Variants in SOX6 observed in about 807,000 individuals in gnomAD.
SOX6 encodes transcription factor SOX-6.
Under a neutral mutation model 97.8 loss-of-function variants are expected in SOX6, and 11 were observed. The ratio of observed to expected loss-of-function variants is 0.11; its 90% CI spans 0.07 to 0.19. The LOEUF (loss-of-function observed/expected upper bound fraction) is 0.19. Among genes scored for constraint, SOX6 ranks in the 10% least tolerant of loss-of-function variants. The pLI, the probability that SOX6 is intolerant of heterozygous loss-of-function variation, is 1.00. For missense variants in SOX6, 810 were observed against 1,039.5 expected, an observed-to-expected ratio of 0.78 and a Z score of 3.04; for synonymous variants, 360 against 371.4, an observed-to-expected ratio of 0.97 and a Z score of 0.35.
At chr11:16,058,658 T>C (rs1028370561) in intron 9 of SOX6, among the ~76,000 whole-genome samples, 4 of 152,042 alleles carry the variant, frequency 2.6e-5, no homozygotes, top group African/African-American at 7.2e-5. Flanking sequence ...TATAGACTTG[T>C]ATGCCATCAT....
At chr11:16,728,785 G>A (rs548339013) in intron 2 of SOX6, among the ~76,000 whole-genome samples, 1 of 152,216 alleles carries the variant, frequency 6.6e-6, no homozygotes, top group South Asian at 2.1e-4. Flanking sequence ...AAACTCCTCC[G>A]AGCTAAAGGA....
At chr11:16,709,124 C>T (rs539684372) in intron 3 of SOX6, among the ~76,000 whole-genome samples, 1 of 152,218 alleles carries the variant, frequency 6.6e-6, no homozygotes, top group East Asian at 1.9e-4. Flanking sequence ...GACAGAGGGG[C>T]CTGGTGGGAG....
At chr11:16,116,558 G>T (rs541846052) in intron 6 of SOX6, among the ~76,000 whole-genome samples, 1 of 152,170 alleles carries the variant, frequency 6.6e-6, no homozygotes, top group African/African-American at 2.4e-5. Context: ...AAAGAATACA[G>T]AGAGATCACA....
intron 4 of SOX6, among the ~76,000 whole-genome samples, chr11:16,518,504 A>T (rs1017786311): frequency 6.6e-6 from 1 of 152,200 alleles, no homozygotes; most frequent in African/African-American, 2.4e-5. Context: ...ACTAGGCTAT[A>T]AGCTCATTGA....
At chr11:16,627,069 T>A (rs557472426) in intron 3 of SOX6, among the ~76,000 whole-genome samples, 1 of 152,292 alleles carries the variant, frequency 6.6e-6, no homozygotes, top group South Asian at 2.1e-4. Context: ...TGAGAACAGG[T>A]GGTATTTGGT....
chr11:16,134,918 T>C (rs1849922867), intron 6 of SOX6, among the ~76,000 whole-genome samples: 1 of 152,226 alleles, frequency 6.6e-6, no homozygotes. Flanking sequence ...AAGAAGTCAA[T>C]GCCTGGCTTC....
intron 4 of SOX6, among the ~76,000 whole-genome samples, chr11:16,523,449 A>C (rs1274106351): frequency 6.6e-6 from 1 of 152,214 alleles, no homozygotes; most frequent in Non-Finnish European, 1.5e-5. Context: ...ACAAAGACAC[A>C]ACATACCAGA....
intron 4 of SOX6, among the ~76,000 whole-genome samples, chr11:16,586,639 G>C (rs1056784504): frequency 5.3e-5 from 8 of 152,116 alleles, no homozygotes; most frequent in African/African-American, 1.7e-4. Context: ...AGAATCCTTT[G>C]AGCCCAAGAG....
rs1853210688 is a variant in SOX6, at chr11:15,968,702, CTAATGTTCAGGGGAGGCCAGAA to C, written c.*4085_*4106del. 2 of 152,204 alleles carry C rather than the reference CTAATGTTCAGGGGAGGCCAGAA, an allele frequency of 1.3e-5. No individual in the cohort carries two copies. Among genetic ancestry groups the C allele is most frequent in the African/African-American group, 2.4e-5 (1 of 41,434 alleles). The allele number at this position is 152,204 out of a possible 1,614,324, so 9.4% of individuals were successfully genotyped here. A position where few individuals can be genotyped will look rare whatever the true frequency, so the allele number is the denominator to read the frequency against. ...CAAACACCCTCAGGCTCCCGTGGGG[CTAATGTTCAGGGGAGGCCAGAA>C]TTCGACAAGCTCAATAGCACTGTGA... On this transcript the variant is annotated 3_prime_UTR_variant, in exon 16 of 16. Coordinates refer to ENST00000683767, the MANE Select transcript of SOX6 (RefSeq NM_001367873.1).
At chr11:16,036,630 G>C (rs991386429) in intron 12 of SOX6, among the ~76,000 whole-genome samples, 8 of 152,080 alleles carry the variant, frequency 5.3e-5, no homozygotes, top group African/African-American at 1.9e-4. Context: ...AATTCCCAAG[G>C]GCAAAGATCT....
intron 4 of SOX6, among the ~76,000 whole-genome samples, chr11:16,535,449 G>A (rs2133172697): frequency 1.3e-5 from 2 of 152,282 alleles, no homozygotes; most frequent in South Asian, 4.1e-4. Flanking sequence ...AAGGTGGGCA[G>A]ATCACTTGAT....
chr11:16,694,250 A>G (rs1848036363), intron 3 of SOX6, among the ~76,000 whole-genome samples: 1 of 152,218 alleles, frequency 6.6e-6, no homozygotes, highest in Non-Finnish European at 1.5e-5. Flanking sequence ...TTCTGGAGCC[A>G]GGCATGGTAG....
intron 4 of SOX6, among the ~76,000 whole-genome samples, chr11:16,549,169 T>TA (rs1024781072): frequency 2.0e-5 from 3 of 152,022 alleles, no homozygotes; most frequent in Admixed American, 6.6e-5. Flanking sequence ...CCAGAATAAC[T>TA]AAAAAAAATT....
At chr11:16,282,411 A>T (rs937533062) in intron 3 of SOX6, among the ~76,000 whole-genome samples, 1 of 151,694 alleles carries the variant, frequency 6.6e-6, no homozygotes, top group Admixed American at 6.6e-5. Flanking sequence ...GTTTATTTTT[A>T]AAATGTTTAC....
At chr11:16,727,775 A>G (rs1284165017) in intron 2 of SOX6, among the ~76,000 whole-genome samples, 1 of 152,078 alleles carries the variant, frequency 6.6e-6, no homozygotes, top group Non-Finnish European at 1.5e-5. Context: ...CAACACAGGA[A>G]TGTTAGGGGA....
chr11:16,278,747 A>G (rs1854471921), intron 3 of SOX6, among the ~76,000 whole-genome samples: 1 of 152,138 alleles, frequency 6.6e-6, no homozygotes, highest in Non-Finnish European at 1.5e-5. Context: ...TCACTTTAAC[A>G]GTAAGGACTC....
chr11:16,604,232 G>A (rs946167087), intron 4 of SOX6, among the ~76,000 whole-genome samples: 13 of 152,252 alleles, frequency 8.5e-5, no homozygotes. Flanking sequence ...TTGGGGGACA[G>A]GCAGGGCAGG....
At chr11:16,541,000 G>T (rs1861398615) in intron 4 of SOX6, among the ~76,000 whole-genome samples, 1 of 152,078 alleles carries the variant, frequency 6.6e-6, no homozygotes, top group Non-Finnish European at 1.5e-5. Flanking sequence ...CCAAAAAAGG[G>T]CCCGCATTGC....
chr11:16,426,640 C>T (rs535953111), intron 1 of SOX6, among the ~76,000 whole-genome samples: 6 of 151,880 alleles, frequency 4.0e-5, no homozygotes, highest in African/African-American at 9.7e-5. Context: ...TCTGGCCGGG[C>T]GCGGTGGCTC....
Sources: gnomAD v4.1 joint callset for allele counts (sites outside exome capture counted in the v4.1 genomes callset) on GRCh38, gnomAD v4.1.1 for gene constraint, MANE v1.5 for transcripts, NCBI Gene and HGNC (gene_info 2026-07-23, HGNC 2026-07-21) for gene names.